The following CC2D2B variants were observed in gnomAD, a reference collection of about 807,000 sequenced individuals.
CC2D2B encodes the protein protein CC2D2B.
In CC2D2B, 128 loss-of-function variants were observed where a neutral mutation model predicts 161.2. That is an observed-to-expected ratio of 0.79 (90% CI 0.69 to 0.92). The LOEUF (loss-of-function observed/expected upper bound fraction) is 0.92, where lower values mean the gene tolerates loss of function less well. Ranked by LOEUF, CC2D2B falls within the 40% of genes least tolerant of loss-of-function variation. The pLI, the probability that CC2D2B is intolerant of heterozygous loss-of-function variation, is 0.00. For missense variants in CC2D2B, 1,173 were observed against 1,375.1 expected (o/e 0.85, Z 2.32); for synonymous variants, 391 against 449.8 (o/e 0.87, Z 1.65).
rs781694256 is a variant in CC2D2B at position 96,019,315 on chromosome 10, ATTGT to A, written c.3751_3754del (p.Phe1251MetfsTer49). ...CCGTTTTGTCCCTTAAAAAGTGTAG[ATTGT>A]TTGTTTGATGATAGAAATGTAAGTA... On this transcript the variant is annotated frameshift_variant, in exon 31 of 35. Transcript: ENST00000646931. LOFTEE classifies it high-confidence loss of function. 2.1e-5 allele frequency: 34 copies of A among 1,610,012 alleles called. No individual in the cohort carries two copies. Among genetic ancestry groups the A allele is most frequent in the East Asian group, 8.9e-5 (4 of 44,850 alleles).
chr10:96,005,969 T>C (rs2078732179), intron 25 of CC2D2B, among the ~76,000 whole-genome samples: 3 of 152,292 alleles, frequency 2.0e-5, no homozygotes, highest in Admixed American at 1.3e-4. Flanking sequence ...TGCTATTATC[T>C]ACTCTCATCT....
chr10:95,916,740 T>C (rs2098517074), intron 2 of CC2D2B, among the ~76,000 whole-genome samples: 1 of 152,214 alleles, frequency 6.6e-6, no homozygotes, highest in African/African-American at 2.4e-5. Flanking sequence ...TATTCCATTG[T>C]AATCAGAGAA....
At chr10:95,995,654 T>A (rs904596383) in intron 23 of CC2D2B, among the ~76,000 whole-genome samples, 1 of 152,246 alleles carries the variant, frequency 6.6e-6, no homozygotes, top group Non-Finnish European at 1.5e-5. Flanking sequence ...ATCATGCTAC[T>A]CCTTGTTCTA....
At chr10:95,994,953 C>T (rs1459308184) in intron 22 of CC2D2B, among the ~76,000 whole-genome samples, 1 of 152,154 alleles carries the variant, frequency 6.6e-6, no homozygotes, top group Non-Finnish European at 1.5e-5. Context: ...TAATCCTCCA[C>T]CCACAATATA....
chr10:95,953,217 T>A (rs988076380), intron 10 of CC2D2B, among the ~76,000 whole-genome samples: 3 of 152,174 alleles, frequency 2.0e-5, no homozygotes, highest in East Asian at 1.9e-4. Flanking sequence ...ATTTTAAATT[T>A]AAAAAAAATT....
chr10:96,022,375 CAAA>C (rs1466923861), intron 32 of CC2D2B, among the ~76,000 whole-genome samples: 1 of 152,194 alleles, frequency 6.6e-6, no homozygotes, highest in Non-Finnish European at 1.5e-5. Context: ...TTCCCGCTCT[CAAA>C]GAAGTCACTG....
intron 2 of CC2D2B, among the ~76,000 whole-genome samples, chr10:95,912,155 A>G (rs1191556509): frequency 6.6e-6 from 1 of 152,154 alleles, no homozygotes; most frequent in Non-Finnish European, 1.5e-5. Context: ...GAGATTTCCA[A>G]CTGCACATTA....
chr10:95,995,510 G>A (rs2078196514), intron 23 of CC2D2B, 145 bp downstream of exon 23: 1 of 522,060 alleles, frequency 1.9e-6, no homozygotes. Flanking sequence ...TTTATAAAAT[G>A]TAATTCTAAC....
At chr10:96,020,175 A>T (rs1812268437) in intron 32 of CC2D2B, 1 of 167,956 alleles carries the variant, frequency 6.0e-6, no homozygotes, top group Non-Finnish European at 1.3e-5. Context: ...AAGTAGAAAA[A>T]TTGACAAAAA....
At chr10:95,979,429 T>C (rs1408809752) in intron 17 of CC2D2B, among the ~76,000 whole-genome samples, 1 of 152,198 alleles carries the variant, frequency 6.6e-6, no homozygotes, top group Admixed American at 6.5e-5. Context: ...GACTCATAGC[T>C]TTCTAAAAGC....
chr10:95,934,549 C>T (rs1267194289), intron 6 of CC2D2B, among the ~76,000 whole-genome samples: 2 of 152,192 alleles, frequency 1.3e-5, no homozygotes, highest in Non-Finnish European at 2.9e-5. Context: ...ACGTAGGCCC[C>T]CAAGGGAATC....
At chr10:95,944,627 T>C (rs1209128607) in intron 9 of CC2D2B, among the ~76,000 whole-genome samples, 2 of 152,192 alleles carry the variant, frequency 1.3e-5, no homozygotes, top group Admixed American at 1.3e-4. Flanking sequence ...AATGAACAAA[T>C]GCATCATAAA....
intron 34 of CC2D2B, among the ~76,000 whole-genome samples, chr10:96,029,184 T>C (rs1053894676): frequency 2.7e-5 from 4 of 146,860 alleles, no homozygotes; most frequent in Admixed American, 6.9e-5. Context: ...TTTTCCATTA[T>C]GTGACTACTA....
At chr10:95,917,586 T>C (rs550264384) in intron 2 of CC2D2B, among the ~76,000 whole-genome samples, 17 of 152,318 alleles carry the variant, frequency 1.1e-4, no homozygotes, top group South Asian at 4.1e-4. Context: ...GATGTTACAA[T>C]GAGGCCTACA....
intron 2 of CC2D2B, chr10:95,918,911 A>G (rs2098521540): frequency 6.6e-6 from 1 of 151,834 alleles, no homozygotes; most frequent in Admixed American, 6.6e-5. Context: ...ACTCTGATGC[A>G]TTCTTCATTT....
chr10:95,986,859 A>G (rs553461636), intron 19 of CC2D2B, among the ~76,000 whole-genome samples: 1 of 152,260 alleles, frequency 6.6e-6, no homozygotes, highest in East Asian at 1.9e-4. Flanking sequence ...GGCCTCCCAC[A>G]GTGTTAGGAT....
chr10:95,981,848 A>G (rs2077543826), intron 17 of CC2D2B, 127 bp from the exon 18 acceptor site: 1 of 449,096 alleles, frequency 2.2e-6, no homozygotes, highest in East Asian at 3.6e-5. Context: ...ATAAATACAG[A>G]GGATGGATAA....
intron 1 of CC2D2B, among the ~76,000 whole-genome samples, chr10:95,910,717 A>G (rs1360874677): frequency 1.3e-5 from 2 of 152,216 alleles, no homozygotes; most frequent in South Asian, 4.1e-4. Context: ...CCTCCATAGA[A>G]TATCTATATT....
chr10:95,944,658 A>G (rs184330895), intron 9 of CC2D2B, among the ~76,000 whole-genome samples: 8 of 152,366 alleles, frequency 5.3e-5, no homozygotes, highest in Admixed American at 5.2e-4. Flanking sequence ...ATAATTTACA[A>G]TTATTGAAGA....
Sources: gnomAD v4.1 joint callset for allele counts (sites outside exome capture counted in the v4.1 genomes callset) on GRCh38, gnomAD v4.1.1 for gene constraint, MANE v1.5 for transcripts, NCBI Gene and HGNC (gene_info 2026-07-23, HGNC 2026-07-21) for gene names.